The following SVIL variants were observed in gnomAD, a reference collection of about 807,000 sequenced individuals.
SVIL encodes the protein supervillin, also known as archvillin.
A neutral mutation model predicts 240.4 loss-of-function variants in SVIL; 101 were observed. The observed-to-expected ratio is 0.42, with a 90% CI of 0.36 to 0.50. The LOEUF is 0.50. Ranked by LOEUF, SVIL falls within the 20% of genes least tolerant of loss-of-function variation. SVIL has a pLI of 0.01. For synonymous variants in SVIL, 999 were observed against 1,100.0 expected (o/e 0.91, Z 1.82); for missense variants, 2,512 against 2,818.7 (o/e 0.89, Z 2.46).
chr10:29,670,138 G>A (rs1251453768), intron 2 of SVIL, among the ~76,000 whole-genome samples: 9 of 151,698 alleles, frequency 5.9e-5, no homozygotes, highest in Admixed American at 5.9e-4. Flanking sequence ...ATAAAGAAAA[G>A]GTTAATTTGA....
chr10:29,572,763 C>CAAAAA (rs375180538), intron 1 of SVIL, among the ~76,000 whole-genome samples: 1,585 of 80,218 alleles, frequency 0.02, 66 homozygotes, highest in African/African-American at 0.062. Context: ...GATCCTATCT[C>CAAAAA]AAAAAAAAAA....
intron 17 of SVIL, chr10:29,508,109 T>G (rs1345588508): frequency 2.0e-5 from 6 of 306,822 alleles, no homozygotes; most frequent in Non-Finnish European, 3.2e-5. Flanking sequence ...CATTGACAGT[T>G]TTAACATTTA....
Position 29,458,243 on chromosome 10 carries a change from C to CCACT in SVIL, c.6645_*3dup, listed in dbSNP as rs773572435. On this transcript the variant is annotated 3_prime_UTR_variant, in exon 38 of 38. Coordinates refer to ENST00000355867, the MANE Select transcript of SVIL (RefSeq NM_021738.3). ...ACCGTGAGGCTCCTCTGGCGTCTCCCCACTCAGAACAGGCCTTTTGCTTTC... is the reference window on the plus strand; with the variant it reads ...ACCGTGAGGCTCCTCTGGCGTCTCCCCACTCACTCAGAACAGGCCTTTTGCTTTC... 3.1e-6 allele frequency: 5 copies of CCACT among 1,613,986 alleles called. No homozygotes were observed. The South Asian group carries it at 4.4e-5, about 14-fold the overall frequency.
At chr10:29,522,051 G>A (rs983029095) in intron 16 of SVIL, among the ~76,000 whole-genome samples, 9 of 151,958 alleles carry the variant, frequency 5.9e-5, no homozygotes, top group Non-Finnish European at 1.2e-4. Flanking sequence ...GTATCTAAAA[G>A]GGGAAGAGCC....
intron 1 of SVIL, among the ~76,000 whole-genome samples, chr10:29,693,318 G>A (rs1284951573): frequency 6.6e-6 from 1 of 150,930 alleles, no homozygotes; most frequent in African/African-American, 2.4e-5. Context: ...GGGATGGGGG[G>A]TGGGGGAGAG....
chr10:29,511,633 T>C (rs1028716377), intron 17 of SVIL, among the ~76,000 whole-genome samples: 2 of 152,250 alleles, frequency 1.3e-5, no homozygotes, highest in Admixed American at 6.5e-5. Flanking sequence ...AATATGCACA[T>C]GCATATACTT....
At chr10:29,492,429 AGACT>A (rs769470211) in intron 21 of SVIL, among the ~76,000 whole-genome samples, 2 of 152,070 alleles carry the variant, frequency 1.3e-5, no homozygotes, top group East Asian at 3.9e-4. Context: ...CAGCCAAGAC[AGACT>A]GTGTTCTGAG....
intron 1 of SVIL, among the ~76,000 whole-genome samples, chr10:29,706,500 A>AT (rs952274321): frequency 1.1e-4 from 17 of 150,842 alleles, no homozygotes; most frequent in African/African-American, 3.7e-4. Context: ...TTTGATGGGT[A>AT]TTTTTTTTTC....
chr10:29,554,822 G>C lies in SVIL; in HGVS notation c.121C>G (p.Arg41Gly), dbSNP rs780503821. Residue 41 changes from arginine (R) to glycine (G), a missense_variant, in exon 5 of 38, where the codon CGA (arginine) becomes GGA (glycine). By Grantham distance (125) the Arg-to-Gly change is moderately radical. This residue lies in a region of SVIL where 1,443 missense variants were observed against 1,486.6 expected (regional missense o/e 0.97). Coordinates refer to ENST00000355867, the MANE Select transcript of SVIL (RefSeq NM_021738.3). Reference protein sequence around the residue: ...THRLLEEDTPRYMRASDPASP... With the variant: ...THRLLEEDTPGYMRASDPASP... Reference sequence around the variant, plus strand: ...GCAGGGTCGCTGGCTCTCATGTATCGAGGGGTGTCTTCCTCCAGCAGGCGG... The same window carrying C: ...GCAGGGTCGCTGGCTCTCATGTATCCAGGGGTGTCTTCCTCCAGCAGGCGG... 1.2e-6 allele frequency: 2 copies of C among 1,613,234 alleles called. No homozygotes were observed. The highest frequency in any genetic ancestry group is 1.7e-6 in the Non-Finnish European group (2 of 1,179,630).
At chr10:29,588,908 C>T (rs1170798361) in intron 1 of SVIL, among the ~76,000 whole-genome samples, 1 of 151,910 alleles carries the variant, frequency 6.6e-6, no homozygotes, top group South Asian at 2.1e-4. Context: ...CTTCCTACCT[C>T]CCCCACCCCC....
At chr10:29,619,823 T>A (rs1957562314) in intron 1 of SVIL, among the ~76,000 whole-genome samples, 1 of 152,226 alleles carries the variant, frequency 6.6e-6, no homozygotes, top group Admixed American at 6.5e-5. Context: ...AACTACATTT[T>A]AAAAAATATT....
At chr10:29,576,037 T>C (rs1355396431) in intron 1 of SVIL, 1 of 913,744 alleles carries the variant, frequency 1.1e-6, no homozygotes, top group Admixed American at 6.2e-5. Flanking sequence ...TGAGTTACAA[T>C]AATATGTGTT....
chr10:29,592,704 T>C (rs1033521580), intron 1 of SVIL, among the ~76,000 whole-genome samples: 3 of 152,238 alleles, frequency 2.0e-5, no homozygotes, highest in Non-Finnish European at 2.9e-5. Flanking sequence ...GTGAACTTCG[T>C]TAGGTAAAAA....
intron 1 of SVIL, among the ~76,000 whole-genome samples, chr10:29,698,931 T>C (rs1355330228): frequency 6.6e-6 from 1 of 152,202 alleles, no homozygotes; most frequent in African/African-American, 2.4e-5. Context: ...TGACTACACC[T>C]GTTTCCAGCA....
intron 16 of SVIL, among the ~76,000 whole-genome samples, chr10:29,521,665 C>T (rs1479217294): frequency 6.6e-6 from 1 of 152,110 alleles, no homozygotes; most frequent in African/African-American, 2.4e-5. Context: ...GAATTTATTC[C>T]CACTATTGCA....
intron 1 of SVIL, among the ~76,000 whole-genome samples, chr10:29,583,995 G>GAATAC (rs1484368080): frequency 6.6e-6 from 1 of 152,200 alleles, no homozygotes; most frequent in Non-Finnish European, 1.5e-5. Context: ...AGAAAACCAT[G>GAATAC]AATACAAGCC....
intron 17 of SVIL, among the ~76,000 whole-genome samples, chr10:29,505,391 C>T (rs1238138482): frequency 6.6e-6 from 1 of 151,850 alleles, no homozygotes; most frequent in Non-Finnish European, 1.5e-5. Context: ...ACAGAGGAAT[C>T]GTAAATGCAT....
intron 1 of SVIL, among the ~76,000 whole-genome samples, chr10:29,693,165 C>G (rs1171850993): frequency 6.6e-6 from 1 of 152,180 alleles, no homozygotes; most frequent in Non-Finnish European, 1.5e-5. Context: ...CCTCATTTTA[C>G]AGATCAGGAA....
intron 2 of SVIL, among the ~76,000 whole-genome samples, chr10:29,673,001 C>G (rs1959904570): frequency 6.6e-6 from 1 of 152,086 alleles, no homozygotes; most frequent in Non-Finnish European, 1.5e-5. Context: ...GCAACTGCAG[C>G]CTCCCAGGTT....
Sources: gnomAD v4.1 joint callset for allele counts (sites outside exome capture counted in the v4.1 genomes callset) on GRCh38, gnomAD v4.1.1 for gene constraint, gnomAD v4.1.1 regional missense constraint, MANE v1.5 for transcripts, NCBI Gene and HGNC (gene_info 2026-07-23, HGNC 2026-07-21) for gene names.